DYRK1A: variants seen among roughly 807,000 people sequenced by gnomAD.
DYRK1A encodes the protein dual specificity tyrosine phosphorylation regulated kinase 1A, also known as dual specificity tyrosine-phosphorylation-regulated kinase 1A.
DYRK1A carries 9 observed loss-of-function variants against 79.7 expected under a neutral mutation model. That is an observed-to-expected ratio of 0.11 (90% CI 0.07 to 0.20). DYRK1A has a LOEUF of 0.20. DYRK1A is among the 10% of genes least tolerant of loss of function. The pLI is 1.00. For missense variants in DYRK1A, 622 were observed against 956.0 expected, an observed-to-expected ratio of 0.65 and a Z score of 4.61; for synonymous variants, 349 against 329.7, an observed-to-expected ratio of 1.06 and a Z score of -0.63.
intron 2 of DYRK1A, among the ~76,000 whole-genome samples, chr21:37,448,974 A>G (rs933160902): frequency 6.6e-6 from 1 of 152,200 alleles, no homozygotes. Context: ...TTGGGATTAC[A>G]GGTGTGAGCC....
At chr21:37,462,851 C>G (rs999114890) in intron 2 of DYRK1A, among the ~76,000 whole-genome samples, 13 of 152,140 alleles carry the variant, frequency 8.5e-5, no homozygotes, top group African/African-American at 3.1e-4. Context: ...CATCACGATT[C>G]TGCACTGCCT....
intron 2 of DYRK1A, among the ~76,000 whole-genome samples, chr21:37,425,216 A>C (rs1459154974): frequency 6.6e-6 from 1 of 152,184 alleles, no homozygotes; most frequent in Admixed American, 6.5e-5. Flanking sequence ...GTGCCCTGTG[A>C]CTGTCTGGCA....
chr21:37,493,741 A>G (rs2053170585), intron 8 of DYRK1A, among the ~76,000 whole-genome samples: 1 of 152,160 alleles, frequency 6.6e-6, no homozygotes, highest in Admixed American at 6.5e-5. Context: ...TTAGACTTTC[A>G]TTGTTTTAAA....
intron 3 of DYRK1A, 103 bp downstream of exon 3, chr21:37,472,983 A>G: frequency 2.2e-6 from 2 of 900,442 alleles, no homozygotes; most frequent in Middle Eastern, 2.6e-4. Context: ...TTTCAGTTTT[A>G]CATGCAACGT....
intron 2 of DYRK1A, chr21:37,464,243 T>G (rs774212259): frequency 2.1e-6 from 1 of 472,730 alleles, no homozygotes; most frequent in Non-Finnish European, 4.2e-6. Flanking sequence ...TTGAGATGTG[T>G]TGTTTATGAA....
At chr21:37,400,844 A>G (rs896103809) in intron 1 of DYRK1A, among the ~76,000 whole-genome samples, 1 of 152,130 alleles carries the variant, frequency 6.6e-6, no homozygotes, top group African/African-American at 2.4e-5. Flanking sequence ...TGCTTGGTTA[A>G]ATCAAGGTTG....
chr21:37,386,004 T>C (rs2049752674), intron 1 of DYRK1A, among the ~76,000 whole-genome samples: 1 of 152,160 alleles, frequency 6.6e-6, no homozygotes, highest in Admixed American at 6.5e-5. Flanking sequence ...AAGCTTGCCC[T>C]GAGCACTTTA....
chr21:37,424,796 C>T (rs1429316233), intron 2 of DYRK1A, among the ~76,000 whole-genome samples: 3 of 151,840 alleles, frequency 2.0e-5, no homozygotes, highest in Admixed American at 6.6e-5. Context: ...TAATTGATTC[C>T]TAGGAGTCAT....
chr21:37,417,954 G>A (rs762052706), intron 1 of DYRK1A, among the ~76,000 whole-genome samples: 6 of 151,956 alleles, frequency 3.9e-5, no homozygotes, highest in Non-Finnish European at 5.9e-5. Flanking sequence ...CTCCATTTGT[G>A]GGGCAGATGA....
intron 2 of DYRK1A, among the ~76,000 whole-genome samples, chr21:37,448,307 G>A (rs2051335409): frequency 1.3e-5 from 2 of 152,130 alleles, no homozygotes; most frequent in Admixed American, 1.3e-4. Flanking sequence ...TGTATTACTG[G>A]TATTTTAAAT....
chr21:37,401,847 C>T (rs921539524), intron 1 of DYRK1A, among the ~76,000 whole-genome samples: 2 of 152,104 alleles, frequency 1.3e-5, no homozygotes, highest in Non-Finnish European at 2.9e-5. Context: ...TTGTATCTTT[C>T]GCAATTACTG....
intron 2 of DYRK1A, among the ~76,000 whole-genome samples, chr21:37,464,029 C>G (rs1395323296): frequency 6.6e-6 from 1 of 152,198 alleles, no homozygotes; most frequent in Non-Finnish European, 1.5e-5. Context: ...TAACACATTA[C>G]TAACAAAGAA....
Position 37,472,830 on chromosome 21 carries a change from G to T in DYRK1A, c.157G>T (p.Val53Phe). 6.2e-7 allele frequency: 1 copy of T among 1,607,460 alleles called. No homozygotes were observed. The highest frequency in any genetic ancestry group is 8.5e-7 in the Non-Finnish European group (1 of 1,175,486). The change falls in exon 3 of 12, where the codon GTT becomes TTT. Residue 53 changes from valine (V) to phenylalanine (F), a missense_variant. Around this residue, in one of 5 missense-constraint regions of DYRK1A, gnomAD observed 91 missense variants for 113.8 expected, o/e 0.80. Transcript: ENST00000647188. ...CCAGCCAAACATAAGTGACCAACAG[G>T]TTTCTGCCTTATCATATTCTGACCA... ...RRQPNISDQQ[V>F]SALSYSDQIQ...
chr21:37,468,548 C>G (rs976723636), intron 2 of DYRK1A, among the ~76,000 whole-genome samples: 2 of 152,124 alleles, frequency 1.3e-5, no homozygotes, highest in Admixed American at 6.5e-5. Flanking sequence ...ATAGGCAGTC[C>G]AAAACTAGAT....
intron 2 of DYRK1A, among the ~76,000 whole-genome samples, chr21:37,424,895 CTT>C (rs915972946): frequency 6.6e-6 from 1 of 152,090 alleles, no homozygotes; most frequent in Non-Finnish European, 1.5e-5. Flanking sequence ...AAGAATGTCT[CTT>C]AATTTATTTT....
chr21:37,430,151 C>A, intron 2 of DYRK1A: 1 of 249,928 alleles, frequency 4.0e-6, no homozygotes, highest in Non-Finnish European at 6.3e-6. Flanking sequence ...GCTTTAGAGC[C>A]CTTTATATTT....
At chr21:37,408,527 C>T (rs892882041) in intron 1 of DYRK1A, among the ~76,000 whole-genome samples, 26 of 152,218 alleles carry the variant, frequency 1.7e-4, no homozygotes, top group African/African-American at 4.8e-4. Context: ...AGAGTCATTC[C>T]CAAGATTTAT....
At chr21:37,415,378 T>C (rs1434455114) in intron 1 of DYRK1A, 1 of 152,244 alleles carries the variant, frequency 6.6e-6, no homozygotes, top group Non-Finnish European at 1.5e-5. Flanking sequence ...CCACATGTTC[T>C]TTGACCTTGA....
At chr21:37,480,904 CAA>C (rs2052617218) in intron 5 of DYRK1A, 78 bp downstream of exon 5, 1 of 1,151,588 alleles carries the variant, frequency 8.7e-7, no homozygotes, top group Non-Finnish European at 1.2e-6. Flanking sequence ...AGCCCTTCCT[CAA>C]GAGTGTACTT....
Sources: gnomAD v4.1 joint callset for allele counts (sites outside exome capture counted in the v4.1 genomes callset) on GRCh38, gnomAD v4.1.1 for gene constraint, gnomAD v4.1.1 regional missense constraint, MANE v1.5 for transcripts, NCBI Gene and HGNC (gene_info 2026-07-23, HGNC 2026-07-21) for gene names.